Variants in MEX3C observed in about 807,000 individuals in gnomAD.
MEX3C encodes mex-3 RNA binding family member C.
Under a neutral mutation model 35.5 loss-of-function variants are expected in MEX3C, and 15 were observed. The ratio of observed to expected loss-of-function variants is 0.42; its 90% CI spans 0.28 to 0.65. MEX3C has a LOEUF of 0.65. MEX3C is among the 30% of genes least tolerant of loss of function. The pLI, the probability that MEX3C is intolerant of heterozygous loss-of-function variation, is 0.20. For missense variants in MEX3C, 711 were observed against 842.8 expected (o/e 0.84, Z 1.94); for synonymous variants, 390 against 352.8 (o/e 1.11, Z -1.18).
intron 1 of MEX3C, among the ~76,000 whole-genome samples, chr18:51,184,051 G>C (rs1912483695): frequency 6.6e-6 from 1 of 151,956 alleles, no homozygotes; most frequent in African/African-American, 2.4e-5. Flanking sequence ...AAGTCAGAGA[G>C]ATGTGCTCTG....
rs372118659 is a variant in MEX3C at position 51,176,968 on chromosome 18, T to C, written c.1363A>G (p.Thr455Ala). 4 of 1,613,898 alleles carry C rather than the reference T, an allele frequency of 2.5e-6. No homozygotes were observed. The highest frequency in any genetic ancestry group is 1.3e-5 in the African/African-American group (1 of 74,924). Residue 455 changes from threonine (T) to alanine (A), a missense_variant, in exon 2 of 2, where the codon ACA (threonine) becomes GCA (alanine). Coordinates refer to ENST00000406189, the MANE Select transcript of MEX3C (RefSeq NM_016626.5). The stretch of plus-strand genomic sequence containing the variant: ...CTATTGCTTCCAAAGTAGGAATCTG[T>C]AGAGCCACTTCCTAGAGAACTGGAA... ...DSSSSLGSGS[T>A]DSYFGSNRLA...
chr18:51,182,719 G>C (rs796994858), intron 1 of MEX3C, among the ~76,000 whole-genome samples: 1 of 152,162 alleles, frequency 6.6e-6, no homozygotes, highest in Admixed American at 6.5e-5. Context: ...AAATTAAGAC[G>C]GGGAGGTCCT....
Position 51,176,920 on chromosome 18 carries a change from T to C in MEX3C, c.1411A>G (p.Ser471Gly). The change falls in exon 2 of 2, where the codon AGC becomes GGC. Residue 471 changes from serine to glycine, a missense_variant. By Grantham distance (56) the Ser-to-Gly change is moderately conservative. Coordinates refer to ENST00000406189, the MANE Select transcript of MEX3C (RefSeq NM_016626.5). ...CAGAAGTTTCCTGTGCTAAATGGGCTTGTTGGACTAAAGTCAGCCAGCCTA... is the reference window on the plus strand; with the variant it reads ...CAGAAGTTTCCTGTGCTAAATGGGCCTGTTGGACTAAAGTCAGCCAGCCTA... Reference protein sequence around the residue: ...SNRLADFSPTSPFSTGNFWFG... With the variant: ...SNRLADFSPTGPFSTGNFWFG... 6.2e-7 allele frequency: 1 copy of C among 1,614,028 alleles called. No homozygotes were observed. The highest frequency in any genetic ancestry group is 8.5e-7 in the Non-Finnish European group (1 of 1,179,890).
chr18:51,185,857 C>T (rs889515495), intron 1 of MEX3C, among the ~76,000 whole-genome samples: 11 of 151,384 alleles, frequency 7.3e-5, no homozygotes, highest in Admixed American at 2.0e-4. Context: ...GCCAGAAGTT[C>T]GAGACCAGCC....
chr18:51,195,209 C>T (rs1055758147), intron 1 of MEX3C: 2 of 152,158 alleles, frequency 1.3e-5, no homozygotes, highest in African/African-American at 4.8e-5. Context: ...AAAGTTTTCT[C>T]CTGGATTATT....
At chr18:51,190,837 GTCTC>G (rs1214129141) in intron 1 of MEX3C, among the ~76,000 whole-genome samples, 1 of 152,150 alleles carries the variant, frequency 6.6e-6, no homozygotes, top group Non-Finnish European at 1.5e-5. Flanking sequence ...ATCTTTGTAA[GTCTC>G]TATATAGTAA....
At position 51,190,844 on chromosome 18, in the gene MEX3C, T is replaced by C. The variant is rs1229599464; in HGVS notation, c.754+5723A>G. On this transcript the variant is annotated intron_variant, in intron 1 of 1. Transcript: ENST00000406189. ...CAGATTTAATCTTTGTAAGTCTCTATATAGTAACTAATGGTAGCATGGGGA... is the reference window on the plus strand; with the variant it reads ...CAGATTTAATCTTTGTAAGTCTCTACATAGTAACTAATGGTAGCATGGGGA... 2.0e-5 allele frequency among the ~76,000 whole-genome samples: 3 copies of C among 152,184 alleles called. No homozygotes were observed. In the East Asian group the frequency reaches 5.8e-4, roughly 29 times the overall value.
chr18:51,178,747 C>A (rs7234703), intron 1 of MEX3C, among the ~76,000 whole-genome samples: 18,436 of 151,518 alleles, frequency 0.12, 1,478 homozygotes, highest in African/African-American at 0.23. Context: ...GTAATCCCAG[C>A]TCCTTGAGAG....
In MEX3C at chr18:51,176,839, C is replaced by T. The variant is rs1912316516; in HGVS notation, c.1492G>A (p.Ala498Thr). ...GCAGATGTTGGTAAAGAGTCAAAGG[C>T]AGGAGAGTCAACTGCTAGGTCTTCT... ...GSEDLAVDSP[A>T]FDSLPTSAQT... The change falls in exon 2 of 2, where the codon GCC becomes ACC. Residue 498 changes from alanine (A) to threonine (T), a missense_variant. Around this residue, in one of 4 missense-constraint regions of MEX3C, gnomAD observed 187 missense variants for 201.7 expected, o/e 0.93. Coordinates refer to ENST00000406189, the MANE Select transcript of MEX3C (RefSeq NM_016626.5). 6.2e-7 allele frequency: 1 copy of T among 1,613,956 alleles called. No homozygotes were observed. The highest frequency in any genetic ancestry group is 1.3e-5 in the African/African-American group (1 of 75,024).
chr18:51,191,811 C>G (rs1348586118), intron 1 of MEX3C, among the ~76,000 whole-genome samples: 1 of 152,072 alleles, frequency 6.6e-6, no homozygotes, highest in Admixed American at 6.6e-5. Context: ...GTGACTTGTT[C>G]AAGATTACAC....
intron 1 of MEX3C, among the ~76,000 whole-genome samples, chr18:51,183,801 G>T (rs1321323524): frequency 1.3e-5 from 2 of 151,994 alleles, no homozygotes; most frequent in Admixed American, 6.6e-5. Flanking sequence ...AACATAGCAG[G>T]ACGCTGTTTC....
chr18:51,196,973 C>A lies in MEX3C; in HGVS notation c.348G>T (p.Glu116Asp). ...LELEEDEEEG[E>D]EAELDGDLLE... ...GCAGGTCTCCGTCCAGCTCCGCTTC[C>A]TCCCCCTCCTCCTCGTCCTCTTCCA... Residue 116 changes from glutamate (E) to aspartate (D), a missense_variant, in exon 1 of 2, where the codon GAG (glutamate) becomes GAT (aspartate). Glu to Asp is a conservative substitution (Grantham distance 45, BLOSUM62 2). Around this residue, in one of 4 missense-constraint regions of MEX3C, gnomAD observed 354 missense variants for 311.6 expected, o/e 1.14. Coordinates refer to ENST00000406189, the MANE Select transcript of MEX3C (RefSeq NM_016626.5). 1 of 1,540,316 alleles carries A rather than the reference C, an allele frequency of 6.5e-7. No homozygotes were observed.
At chr18:51,185,020 C>T (rs1157065351) in intron 1 of MEX3C, among the ~76,000 whole-genome samples, 1 of 152,178 alleles carries the variant, frequency 6.6e-6, no homozygotes, top group Non-Finnish European at 1.5e-5. Flanking sequence ...GCTGCCTTAA[C>T]AAGTTACCAC....
chr18:51,182,221 G>A (rs1048589515), intron 1 of MEX3C, among the ~76,000 whole-genome samples: 2 of 152,148 alleles, frequency 1.3e-5, no homozygotes, highest in Non-Finnish European at 2.9e-5. Flanking sequence ...AACATAGTAT[G>A]TATATATAGG....
At chr18:51,184,266 G>A (rs867744839) in intron 1 of MEX3C, among the ~76,000 whole-genome samples, 10 of 152,210 alleles carry the variant, frequency 6.6e-5, no homozygotes, top group Non-Finnish European at 1.3e-4. Flanking sequence ...GACATGAGCC[G>A]CAGATAAGCA....
intron 1 of MEX3C, chr18:51,196,268 T>C: frequency 2.0e-6 from 1 of 511,074 alleles, no homozygotes; most frequent in Non-Finnish European, 3.3e-6. Context: ...CTCACTGAGG[T>C]TTCTGGTGCC....
At chr18:51,192,446 G>T (rs1230600572) in intron 1 of MEX3C, among the ~76,000 whole-genome samples, 1 of 151,942 alleles carries the variant, frequency 6.6e-6, no homozygotes, top group Non-Finnish European at 1.5e-5. Context: ...ATATATATAC[G>T]CAAATTAACT....
Position 51,196,915 on chromosome 18 carries a change from C to G in MEX3C, c.406G>C (p.Glu136Gln), listed in dbSNP as rs1362511297. The G allele has an allele frequency of 8.4e-6, 13 of 1,543,862 alleles. No individual in the cohort carries two copies. The highest frequency in any genetic ancestry group is 1.7e-4 in the Middle Eastern group (1 of 5,742). Residue 136 changes from glutamate to glutamine, a missense_variant, in exon 1 of 2, where the codon GAG (glutamate) becomes CAG (glutamine). By Grantham distance (29) the Glu-to-Gln change is conservative (BLOSUM62 2). This residue lies in a region of MEX3C where 354 missense variants were observed against 311.6 expected (regional missense o/e 1.14). Transcript: ENST00000406189. ...AGCAGCAGCAGCGACGACCGGTCCT[C>G]CTCCTCTGCTTCCTCCAGCTCCTCC... ...EEEELEEAEE[E>Q]DRSSLLLLSP...
Position 51,176,953 on chromosome 18 carries a change from C to T in MEX3C, c.1378G>A (p.Gly460Arg). 1 of 1,613,948 alleles carries T rather than the reference C, an allele frequency of 6.2e-7. No homozygotes were observed. Among genetic ancestry groups the T allele is most frequent in the Non-Finnish European group, 8.5e-7 (1 of 1,179,886 alleles). ...CTAAAGTCAGCCAGCCTATTGCTTCCAAAGTAGGAATCTGTAGAGCCACTT... is the reference window on the plus strand; with the variant it reads ...CTAAAGTCAGCCAGCCTATTGCTTCTAAAGTAGGAATCTGTAGAGCCACTT... The part of the protein sequence containing the change: ...LGSGSTDSYF[G>R]SNRLADFSPT... The change falls in exon 2 of 2, where the codon GGA (glycine) becomes AGA (arginine). Residue 460 changes from glycine (G) to arginine (R), a missense_variant. By Grantham distance (125) the Gly-to-Arg change is moderately radical (BLOSUM62 -2). This residue lies in a region of MEX3C where 187 missense variants were observed against 201.7 expected (regional missense o/e 0.93). Coordinates refer to ENST00000406189, the MANE Select transcript of MEX3C (RefSeq NM_016626.5).
Sources: gnomAD v4.1 joint callset for allele counts (sites outside exome capture counted in the v4.1 genomes callset) on GRCh38, gnomAD v4.1.1 for gene constraint, gnomAD v4.1.1 regional missense constraint, MANE v1.5 for transcripts, NCBI Gene and HGNC (gene_info 2026-07-23, HGNC 2026-07-21) for gene names.